Variants in DENND3 observed in about 807,000 individuals in gnomAD.
DENND3 encodes DENN domain containing 3.
DENND3 carries 88 observed loss-of-function variants against 135.1 expected under a neutral mutation model. The ratio of observed to expected loss-of-function variants is 0.65; its 90% CI spans 0.55 to 0.78. DENND3 has a LOEUF of 0.78. Ranked by LOEUF, DENND3 falls within the 30% of genes least tolerant of loss-of-function variation. The pLI is 0.00. For synonymous variants in DENND3, 693 were observed against 712.3 expected (o/e 0.97, Z 0.43); for missense variants, 1,392 against 1,688.4 (o/e 0.82, Z 3.08).
At chr8:141,148,027 A>C (rs2154612892) in intron 5 of DENND3, among the ~76,000 whole-genome samples, 1 of 152,340 alleles carries the variant, frequency 6.6e-6, no homozygotes, top group Admixed American at 6.5e-5. Flanking sequence ...AATGTCATAC[A>C]TGAGTGTTTA....
chr8:141,180,678 T>C, intron 16 of DENND3, 69 bp from the exon 17 acceptor site: 2 of 1,403,024 alleles, frequency 1.4e-6, no homozygotes, highest in Non-Finnish European at 2.0e-6. Context: ...TCAGAGTGCG[T>C]GAGGCCGTTG....
At chr8:141,150,345 C>G in intron 5 of DENND3, 1 of 1,271,172 alleles carries the variant, frequency 7.9e-7, no homozygotes, top group African/African-American at 1.5e-5. Flanking sequence ...AGTGTGACTT[C>G]AAAGTAATAC....
At chr8:141,149,772 T>G (rs1278377862) in intron 5 of DENND3, among the ~76,000 whole-genome samples, 2 of 152,388 alleles carry the variant, frequency 1.3e-5, no homozygotes, top group East Asian at 3.9e-4. Context: ...TGGGACGCGA[T>G]TCCTTTTTCT....
intron 6 of DENND3, among the ~76,000 whole-genome samples, 182 bp downstream of exon 6, chr8:141,151,135 C>T (rs1389643787): frequency 1.3e-5 from 2 of 152,188 alleles, no homozygotes; most frequent in African/African-American, 4.8e-5. Context: ...TTGCAAATGG[C>T]ACCCTTTGCA....
rs1483384897 is a variant in DENND3 at position 141,130,759 on chromosome 8, T to C, written c.102+1950T>C. 6.6e-6 allele frequency among the ~76,000 whole-genome samples: 1 copy of C among 151,706 alleles called. No homozygotes were observed. Among genetic ancestry groups the C allele is most frequent in the Admixed American group, 6.6e-5 (1 of 15,226 alleles). ...TGGAGTGCCATGGTGCAATCTCGGC[T>C]CACTGCAATCTCCGCCTCCTGAGTT... On this transcript the variant is annotated intron_variant, in intron 1 of 22. Transcript: ENST00000519811. The surrounding 1 kb of genome is among the most constrained non-coding windows in gnomAD (Gnocchi z 4.2).
chr8:141,173,527 G>A (rs1045171136), intron 13 of DENND3: 7 of 152,224 alleles, frequency 4.6e-5, no homozygotes, highest in African/African-American at 1.7e-4. Context: ...TGACAGCGCC[G>A]ACTTCCTTCC....
chr8:141,135,481 C>T (rs1816688535), intron 1 of DENND3, among the ~76,000 whole-genome samples: 1 of 152,180 alleles, frequency 6.6e-6, no homozygotes, highest in African/African-American at 2.4e-5. Context: ...CCCTTAAAGA[C>T]CCTTGACTAC....
rs1342470974 is a variant in DENND3 at position 141,167,637 on chromosome 8, G to T, written c.1754-367G>T. Among the ~76,000 whole-genome samples, 3 of 152,182 alleles carry T rather than the reference G, an allele frequency of 2.0e-5. No individual in the cohort carries two copies. Among genetic ancestry groups the T allele is most frequent in the Admixed American group, 2.0e-4 (3 of 15,278 alleles). On this transcript the variant is annotated intron_variant, in intron 12 of 22. Coordinates refer to ENST00000519811, the MANE Select transcript of DENND3 (RefSeq NM_001352890.3). The surrounding 1 kb of genome is among the most constrained non-coding windows in gnomAD (Gnocchi z 4.1). ...ACCCCTGTCCTGAGTTGTCTTTAAG[G>T]TAAATGAAACAATGGTTCTAAAGGG...
Position 141,137,945 on chromosome 8 carries a change from T to C in DENND3, c.386-77T>C. On this transcript the variant is annotated intron_variant, in intron 2 of 22. Transcript: ENST00000519811. The surrounding 1 kb of genome is among the most constrained non-coding windows in gnomAD (Gnocchi z 4.1). ...AACTGTGGAGGTGTGTCCTAAACAC[T>C]GTGAAGAAATCAGCTCGTGGGTAAC... 4.8e-6 allele frequency: 7 copies of C among 1,457,090 alleles called. No homozygotes were observed. The South Asian group carries it at 6.3e-5, about 13-fold the overall frequency. The allele number at this position is 1,457,090 out of a possible 1,614,324, so 90.3% of individuals were successfully genotyped here. A position where few individuals can be genotyped will look rare whatever the true frequency, so the allele number is the denominator to read the frequency against.
Position 141,167,911 on chromosome 8 carries a change from G to C in DENND3, c.1754-93G>C. The stretch of plus-strand genomic sequence containing the variant: ...ATTCTCATTTTATTTTGCATCCAGA[G>C]AAACATTGTCCTTGACAAGATGATG... On this transcript the variant is annotated intron_variant, in intron 12 of 22. Transcript: ENST00000519811. This position sits in a 1 kb window ranked among gnomAD's most constrained non-coding sequence, Gnocchi z 4.1. 6.7e-7 allele frequency: 1 copy of C among 1,498,508 alleles called. No individual in the cohort carries two copies. Among genetic ancestry groups the C allele is most frequent in the South Asian group, 1.3e-5 (1 of 75,742 alleles). The allele number at this position is 1,498,508 out of a possible 1,614,324, so 92.8% of individuals were successfully genotyped here. A position where few individuals can be genotyped will look rare whatever the true frequency, so the allele number is the denominator to read the frequency against.
At position 141,136,804 on chromosome 8, in the gene DENND3, G is replaced by T. The variant is rs1464868824; in HGVS notation, c.385+13G>T. ...CTGTGCTTCCCAGGTATGTCTAGGA[G>T]GTGGGCACCACTGGGCGCCTCCTGC... On this transcript the variant is annotated intron_variant, in intron 2 of 22. Transcript: ENST00000519811. The T allele has an allele frequency of 1.3e-6, 2 of 1,549,554 alleles. No homozygotes were observed. Among genetic ancestry groups the T allele is most frequent in the Non-Finnish European group, 1.7e-6 (2 of 1,149,174 alleles).
intron 18 of DENND3, among the ~76,000 whole-genome samples, chr8:141,187,760 AAAGT>A (rs1231636362): frequency 1.7e-4 from 26 of 152,246 alleles, no homozygotes; most frequent in Non-Finnish European, 2.5e-4. Context: ...CTCAGATGAT[AAAGT>A]AATAGGATCC....
chr8:141,132,351 T>C (rs1437699267), intron 1 of DENND3, among the ~76,000 whole-genome samples: 2 of 152,172 alleles, frequency 1.3e-5, no homozygotes, highest in African/African-American at 4.8e-5. Context: ...TTATTATTTC[T>C]ATATTTATTA....
At chr8:141,150,101 C>T (rs969881693) in intron 5 of DENND3, among the ~76,000 whole-genome samples, 7 of 152,210 alleles carry the variant, frequency 4.6e-5, no homozygotes, top group African/African-American at 7.2e-5. Context: ...CACTTAGATC[C>T]GTCCATTACG....
Position 141,174,416 on chromosome 8 carries a change from G to C in DENND3, c.2276-784G>C, listed in dbSNP as rs138258505. Among the ~76,000 whole-genome samples the C allele has an allele frequency of 1.1e-3, 172 of 152,238 alleles. No individual in the cohort carries two copies. The highest frequency in any genetic ancestry group is 1.7e-3 in the Non-Finnish European group (115 of 68,006). On this transcript the variant is annotated intron_variant, in intron 13 of 22. Transcript: ENST00000519811. This position sits in a 1 kb window ranked among gnomAD's most constrained non-coding sequence, Gnocchi z 4.6. ...GACAGAGAGAGGGACACTGGGTGGA[G>C]GCAGAGCCGAGCAGGCAGGCTAGGG... is the stretch of plus-strand genomic sequence containing the variant.
In DENND3 at chr8:141,138,655, G is replaced by A. The variant is rs1473121964; in HGVS notation, c.501+518G>A. ...CCCGCCTCAGCCTCCCAAAGTGCTGGGATTACAGGTGTGAGCGCTGCGCCC... is the reference window on the plus strand; with the variant it reads ...CCCGCCTCAGCCTCCCAAAGTGCTGAGATTACAGGTGTGAGCGCTGCGCCC... On this transcript the variant is annotated intron_variant, in intron 3 of 22. Coordinates refer to ENST00000519811, the MANE Select transcript of DENND3 (RefSeq NM_001352890.3). This position sits in a 1 kb window ranked among gnomAD's most constrained non-coding sequence, Gnocchi z 4.8. Among the ~76,000 whole-genome samples the A allele has an allele frequency of 6.6e-6, 1 of 152,124 alleles. No individual in the cohort carries two copies. The highest frequency in any genetic ancestry group is 1.9e-4 in the East Asian group (1 of 5,188).
At chr8:141,172,712 G>C (rs1821785226) in intron 13 of DENND3, among the ~76,000 whole-genome samples, 1 of 152,158 alleles carries the variant, frequency 6.6e-6, no homozygotes, top group Non-Finnish European at 1.5e-5. Context: ...CTGACCAAAA[G>C]ATTGCTTTAT....
At chr8:141,172,973 T>C (rs994489958) in intron 13 of DENND3, among the ~76,000 whole-genome samples, 5 of 82,772 alleles carry the variant, frequency 6.0e-5, no homozygotes, top group Admixed American at 1.0e-4. Flanking sequence ...ATCCAGCAAC[T>C]CAGAACCCCT....
chr8:141,134,397 C>A (rs190059648), intron 1 of DENND3, among the ~76,000 whole-genome samples: 18 of 151,718 alleles, frequency 1.2e-4, no homozygotes, highest in Non-Finnish European at 2.4e-4. Flanking sequence ...CGGGTTCACG[C>A]CATTCTCCTG....
Sources: gnomAD v4.1 joint callset for allele counts (sites outside exome capture counted in the v4.1 genomes callset) on GRCh38, gnomAD v4.1.1 for gene constraint, Gnocchi (gnomAD v3.1) non-coding constraint, MANE v1.5 for transcripts, NCBI Gene and HGNC (gene_info 2026-07-23, HGNC 2026-07-21) for gene names.